TMOD1: variants seen among roughly 807,000 people sequenced by gnomAD.
TMOD1 encodes the protein tropomodulin 1.
A neutral mutation model predicts 40.6 loss-of-function variants in TMOD1; 17 were observed. The ratio of observed to expected loss-of-function variants is 0.42; its 90% CI spans 0.29 to 0.63. The LOEUF is 0.63. Ranked by LOEUF, TMOD1 falls within the 20% of genes least tolerant of loss-of-function variation. TMOD1 has a pLI of 0.22. For synonymous variants in TMOD1, 181 were observed against 175.0 expected, an observed-to-expected ratio of 1.03 and a Z score of -0.27; for missense variants, 391 against 447.6, an observed-to-expected ratio of 0.87 and a Z score of 1.14.
chr9:97,555,309 C>T, intron 4 of TMOD1: 1 of 1,080,450 alleles, frequency 9.3e-7, no homozygotes, highest in Non-Finnish European at 1.1e-6. Context: ...CTTGGTGCGG[C>T]ATCTCCACAT....
intron 2 of TMOD1, among the ~76,000 whole-genome samples, chr9:97,542,107 G>A (rs1161455549): frequency 6.6e-6 from 1 of 152,146 alleles, no homozygotes; most frequent in Non-Finnish European, 1.5e-5. Flanking sequence ...GTTTTATAGT[G>A]TAGTTCTTAT....
At position 97,540,709 on chromosome 9, in the gene TMOD1, C is replaced by T. The variant is rs887365316; in HGVS notation, c.121-5476C>T. On this transcript the variant is annotated intron_variant, in intron 2 of 9. Coordinates refer to ENST00000259365, the MANE Select transcript of TMOD1 (RefSeq NM_003275.4). ...AAGGGTCATTCACGTTGTAGTACTA[C>T]GTTTTTTTTCACAGCTGATAATATT... 4.6e-5 allele frequency among the ~76,000 whole-genome samples: 7 copies of T among 152,086 alleles called. No individual in the cohort carries two copies. In the South Asian group the frequency reaches 6.2e-4, roughly 13 times the overall value.
Position 97,554,974 on chromosome 9 carries a change from TC to T in TMOD1, c.397+1577del, listed in dbSNP as rs143741086. On this transcript the variant is annotated intron_variant, in intron 4 of 9. Transcript: ENST00000259365. ...TGAATGCGGAAAGCCAGTGTGTAGA[TC>T]CCAAGTCCAGACAGCCCTTTCCTCA... Among the ~76,000 whole-genome samples, 480 of 152,074 alleles carry T rather than the reference TC, an allele frequency of 3.2e-3. 17 individuals carry two copies. The East Asian group carries it at 0.06, about 19-fold the overall frequency.
intron 8 of TMOD1, among the ~76,000 whole-genome samples, chr9:97,572,582 C>T (rs894965112): frequency 6.6e-6 from 1 of 152,040 alleles, no homozygotes; most frequent in Non-Finnish European, 1.5e-5. Context: ...CTTCAGGTGC[C>T]CCAGCCCCAG....
chr9:97,585,834 G>A (rs923798996), intron 8 of TMOD1, among the ~76,000 whole-genome samples: 5 of 136,760 alleles, frequency 3.7e-5, no homozygotes, highest in African/African-American at 1.4e-4. Flanking sequence ...CGTAGTTCTC[G>A]AGCCTTGGTT....
chr9:97,533,431 C>T (rs988353397), intron 2 of TMOD1, among the ~76,000 whole-genome samples: 1 of 152,186 alleles, frequency 6.6e-6, no homozygotes, highest in Non-Finnish European at 1.5e-5. Context: ...ACAGTGCAGC[C>T]AGGTATAGTT....
At chr9:97,512,366 G>A (rs571421199) in intron 1 of TMOD1, among the ~76,000 whole-genome samples, 26 of 152,298 alleles carry the variant, frequency 1.7e-4, no homozygotes, top group Admixed American at 5.9e-4. Context: ...AATATCTACT[G>A]AAACTAAACA....
chr9:97,562,875 C>A, intron 5 of TMOD1, 54 bp downstream of exon 5: 1 of 1,403,024 alleles, frequency 7.1e-7, no homozygotes, highest in Non-Finnish European at 9.8e-7. Context: ...TTCCTCCACT[C>A]ACTGATGTTC....
intron 1 of TMOD1, among the ~76,000 whole-genome samples, chr9:97,522,845 G>A (rs1313041511): frequency 6.6e-6 from 1 of 152,170 alleles, no homozygotes; most frequent in African/African-American, 2.4e-5. Flanking sequence ...TTACAAGCAT[G>A]AGCCACTGCA....
At position 97,504,491 on chromosome 9, in the gene TMOD1, G is replaced by C. The variant is rs893024775; in HGVS notation, c.-49+2688G>C. Among the ~76,000 whole-genome samples, 21 of 152,192 alleles carry C rather than the reference G, an allele frequency of 1.4e-4. No individual in the cohort carries two copies. In the East Asian group the frequency reaches 3.8e-3, roughly 28 times the overall value. The stretch of plus-strand genomic sequence containing the variant: ...CAAGTAGTGAGAAGAACCCAGGAGA[G>C]GGGAGAGAGTTAAAGGGGAATCTAA... On this transcript the variant is annotated intron_variant, in intron 1 of 9. Transcript: ENST00000259365.
At position 97,599,620 on chromosome 9, in the gene TMOD1, C is replaced by A; in HGVS notation, c.1016-14C>A. On this transcript the variant is annotated splice_polypyrimidine_tract_variant and intron_variant, in intron 9 of 9. Coordinates refer to ENST00000259365, the MANE Select transcript of TMOD1 (RefSeq NM_003275.4). Reference sequence around the variant, plus strand: ...GGGAAAAGTGCCTTATATCTTATCTCCATTCCTTTCCAGTGAGGAAGAGGA... The same window carrying A: ...GGGAAAAGTGCCTTATATCTTATCTACATTCCTTTCCAGTGAGGAAGAGGA... 1 of 1,614,162 alleles carries A rather than the reference C, an allele frequency of 6.2e-7. No homozygotes were observed. The highest frequency in any genetic ancestry group is 8.5e-7 in the Non-Finnish European group (1 of 1,179,994).
At chr9:97,544,733 A>C (rs767326678) in intron 2 of TMOD1, among the ~76,000 whole-genome samples, 3 of 151,974 alleles carry the variant, frequency 2.0e-5, no homozygotes, top group Non-Finnish European at 4.4e-5. Context: ...CAAAGATTGA[A>C]AGTGGGGCTG....
At position 97,551,014 on chromosome 9, in the gene TMOD1, ATTT is replaced by A. The variant is rs55700746; in HGVS notation, c.278-2241_278-2239del. Among the ~76,000 whole-genome samples, 894 of 103,874 alleles carry A rather than the reference ATTT, an allele frequency of 8.6e-3. 5 individuals are homozygous for A. The highest frequency in any genetic ancestry group is 0.013 in the African/African-American group (306 of 23,092). 68.1% of individuals were successfully genotyped at this position (103,874 alleles called of 152,430 possible). On this transcript the variant is annotated intron_variant, in intron 3 of 9. Transcript: ENST00000259365. Reference sequence around the variant, plus strand: ...ATTTTATATATATATATATATATATATTTTTTTTTTTTTTTTTTTTTTTTTTTT... The same window carrying A: ...ATTTTATATATATATATATATATATATTTTTTTTTTTTTTTTTTTTTTTTT...
chr9:97,560,572 G>C (rs1830622709), intron 4 of TMOD1, among the ~76,000 whole-genome samples: 1 of 151,750 alleles, frequency 6.6e-6, no homozygotes, highest in East Asian at 1.9e-4. Flanking sequence ...CAAGAAGTCA[G>C]GAGTTCAAGA....
chr9:97,555,466 G>T, intron 4 of TMOD1: 6 of 1,430,520 alleles, frequency 4.2e-6, no homozygotes, highest in Non-Finnish European at 4.6e-6. Flanking sequence ...TCTGTGCTAC[G>T]TTTCTGTGTG....
Position 97,553,271 on chromosome 9 carries a change from G to A in TMOD1, c.278-10G>A. On this transcript the variant is annotated splice_polypyrimidine_tract_variant and intron_variant, in intron 3 of 9. Coordinates refer to ENST00000259365, the MANE Select transcript of TMOD1 (RefSeq NM_003275.4). Reference sequence around the variant, plus strand: ...GCCACTCCCGTAACAGGTCCCCTGTGTGTTTGCAGGAAAGGTCTGGGTTCC... The same window carrying A: ...GCCACTCCCGTAACAGGTCCCCTGTATGTTTGCAGGAAAGGTCTGGGTTCC... The A allele has an allele frequency of 6.2e-7, 1 of 1,613,958 alleles. No homozygotes were observed. The highest frequency in any genetic ancestry group is 1.1e-5 in the South Asian group (1 of 91,072).
At chr9:97,577,419 C>T (rs1172369888) in intron 8 of TMOD1, among the ~76,000 whole-genome samples, 1 of 152,196 alleles carries the variant, frequency 6.6e-6, no homozygotes, top group Non-Finnish European at 1.5e-5. Context: ...AAATCCTGGT[C>T]CTGCAACTGA....
At chr9:97,528,325 T>C (rs1010126299) in intron 2 of TMOD1, among the ~76,000 whole-genome samples, 15 of 152,054 alleles carry the variant, frequency 9.9e-5, no homozygotes, top group African/African-American at 3.6e-4. Flanking sequence ...AGAAAAGTAA[T>C]TGAGCACAGG....
Position 97,553,286 on chromosome 9 carries a change from G to A in TMOD1, c.283G>A (p.Val95Ile), listed in dbSNP as rs768961569. 3 of 1,614,106 alleles carry A rather than the reference G, an allele frequency of 1.9e-6. No individual in the cohort carries two copies. The highest frequency in any genetic ancestry group is 1.7e-5 in the Admixed American group (1 of 60,026). ...GGTCCCCTGTGTGTTTGCAGGAAAG[G>A]TCTGGGTTCCTAAGCAGAAGCCACT... ...VPYTGEKRGK[V>I]WVPKQKPLDP... The change falls in exon 4 of 10, where the codon GTC becomes ATC. Residue 95 changes from valine (V) to isoleucine (I), a missense_variant. Val to Ile is a conservative substitution (Grantham distance 29). Transcript: ENST00000259365.
Sources: allele counts gnomAD v4.1 joint callset (sites outside exome capture counted in the v4.1 genomes callset), GRCh38; gene constraint gnomAD v4.1.1; transcripts MANE v1.5; gene names NCBI Gene and HGNC (gene_info 2026-07-23, HGNC 2026-07-21).